PPP2R2B: variants seen among roughly 807,000 people sequenced by gnomAD.
PPP2R2B encodes serine/threonine-protein phosphatase 2A 55 kDa regulatory subunit B beta isoform.
In PPP2R2B, 5 loss-of-function variants were observed where a neutral mutation model predicts 46.0. The ratio of observed to expected loss-of-function variants is 0.11; its 90% CI spans 0.06 to 0.23. PPP2R2B has a LOEUF of 0.23. Among genes scored for constraint, PPP2R2B ranks in the 10% least tolerant of loss-of-function variants. PPP2R2B has a pLI of 1.00. For missense variants in PPP2R2B, 367 were observed against 575.0 expected, an observed-to-expected ratio of 0.64 and a Z score of 3.70; for synonymous variants, 215 against 206.7, an observed-to-expected ratio of 1.04 and a Z score of -0.34.
chr5:146,600,065 T>C (rs550779882), intron 8 of PPP2R2B, among the ~76,000 whole-genome samples: 1 of 152,342 alleles, frequency 6.6e-6, no homozygotes, highest in East Asian at 1.9e-4. Flanking sequence ...ATAGTGTCCA[T>C]TCCACATGAA....
At chr5:146,701,298 G>C (rs1779524095) in intron 2 of PPP2R2B, 156 bp from the exon 3 acceptor site, 1 of 787,142 alleles carries the variant, frequency 1.3e-6, no homozygotes, top group Non-Finnish European at 2.3e-6. Context: ...AATGCCACCA[G>C]AAGTGGCACT....
chr5:146,873,988 A>G (rs139801346), intron 2 of PPP2R2B, among the ~76,000 whole-genome samples: 41 of 152,194 alleles, frequency 2.7e-4, no homozygotes, highest in African/African-American at 9.6e-4. Context: ...TTTTGTACCT[A>G]TTGTCCCTTC....
At chr5:146,952,779 G>A (rs1751679295) in intron 1 of PPP2R2B, among the ~76,000 whole-genome samples, 1 of 152,144 alleles carries the variant, frequency 6.6e-6, no homozygotes, top group Non-Finnish European at 1.5e-5. Context: ...GCTAAGGTCA[G>A]TGGAAAGTGT....
intron 1 of PPP2R2B, among the ~76,000 whole-genome samples, chr5:147,022,208 G>A (rs532959903): frequency 1.3e-5 from 2 of 152,186 alleles, no homozygotes; most frequent in Non-Finnish European, 2.9e-5. Flanking sequence ...TACTGCAATT[G>A]GAGTTCTAGA....
intron 1 of PPP2R2B, chr5:147,040,638 A>G: frequency 2.6e-6 from 1 of 382,842 alleles, no homozygotes; most frequent in South Asian, 1.9e-5. Flanking sequence ...TCAGGGGCTC[A>G]GTGTGAGCAA....
intron 2 of PPP2R2B, among the ~76,000 whole-genome samples, chr5:146,875,018 A>AAATTTT (rs1761818619): frequency 6.6e-6 from 1 of 152,256 alleles, no homozygotes; most frequent in Non-Finnish European, 1.5e-5. Flanking sequence ...GCTGATGGTT[A>AAATTTT]AAGGAAAATG....
intron 2 of PPP2R2B, among the ~76,000 whole-genome samples, chr5:146,803,378 T>G (rs1448253793): frequency 6.6e-6 from 1 of 152,182 alleles, no homozygotes; most frequent in African/African-American, 2.4e-5. Context: ...TTAGTACAAT[T>G]TAGACACTTT....
intron 1 of PPP2R2B, among the ~76,000 whole-genome samples, chr5:146,906,286 C>T (rs1453287837): frequency 6.6e-6 from 1 of 150,938 alleles, no homozygotes; most frequent in African/African-American, 2.4e-5. Flanking sequence ...TTAATTTCAC[C>T]TGCTTCTTGT....
At chr5:146,870,772 T>C (rs1761571417) in intron 2 of PPP2R2B, among the ~76,000 whole-genome samples, 1 of 152,100 alleles carries the variant, frequency 6.6e-6, no homozygotes, top group Admixed American at 6.5e-5. Flanking sequence ...TTTTTCCCCT[T>C]ACACACAGAC....
chr5:147,064,040 A>G (rs1401170608), intron 2 of PPP2R2B, among the ~76,000 whole-genome samples: 1 of 152,208 alleles, frequency 6.6e-6, no homozygotes, highest in Admixed American at 6.5e-5. Context: ...TTGCTCATTC[A>G]GCGAGGACCT....
At chr5:146,756,200 G>A (rs1283306457) in intron 2 of PPP2R2B, among the ~76,000 whole-genome samples, 1 of 152,036 alleles carries the variant, frequency 6.6e-6, no homozygotes, top group African/African-American at 2.4e-5. Context: ...ATAGAGCTTG[G>A]GAATAAGAAT....
At chr5:147,051,137 A>G (rs1010319109) in intron 1 of PPP2R2B, among the ~76,000 whole-genome samples, 1 of 152,178 alleles carries the variant, frequency 6.6e-6, no homozygotes, top group Non-Finnish European at 1.5e-5. Flanking sequence ...AATGTAATCC[A>G]AAGGCTGTTC....
chr5:146,911,629 TTC>T (rs1249543304), intron 1 of PPP2R2B, among the ~76,000 whole-genome samples: 1 of 152,204 alleles, frequency 6.6e-6, no homozygotes, highest in Non-Finnish European at 1.5e-5. Context: ...AGGAAGACAC[TTC>T]TTCACATGGG....
rs1176103375 is a variant in PPP2R2B, at chr5:146,587,601, T to A, written c.*2346A>T. 1.3e-5 allele frequency: 2 copies of A among 152,242 alleles called. No homozygotes were observed. The highest frequency in any genetic ancestry group is 3.8e-4 in the East Asian group (2 of 5,196). 9.4% of individuals were successfully genotyped at this position (152,242 alleles called of 1,614,324 possible). Reference sequence around the variant, plus strand: ...GACTCTAATATGTGAAGAACCACCATCTTTGATGCCCCTAAGGGCATAAAT... The same window carrying A: ...GACTCTAATATGTGAAGAACCACCAACTTTGATGCCCCTAAGGGCATAAAT... On this transcript the variant is annotated 3_prime_UTR_variant, in exon 10 of 10. Coordinates refer to ENST00000394411, the MANE Select transcript of PPP2R2B (RefSeq NM_181675.4).
At chr5:146,936,961 C>T (rs1301169408) in intron 1 of PPP2R2B, among the ~76,000 whole-genome samples, 2 of 150,860 alleles carry the variant, frequency 1.3e-5, no homozygotes. Context: ...ATTCTTCGAA[C>T]TAGACAGTAT....
chr5:146,869,691 G>A (rs1582316288), intron 2 of PPP2R2B, among the ~76,000 whole-genome samples: 1 of 152,274 alleles, frequency 6.6e-6, no homozygotes, highest in East Asian at 1.9e-4. Context: ...GGCATGGGAT[G>A]GAGGGTGATT....
intron 2 of PPP2R2B, among the ~76,000 whole-genome samples, chr5:146,794,436 T>G (rs928058787): frequency 1.3e-5 from 2 of 152,218 alleles, no homozygotes; most frequent in African/African-American, 4.8e-5. Context: ...TAATGATAGT[T>G]GCAATCAAAG....
chr5:146,797,996 C>T (rs1167371099), intron 2 of PPP2R2B, among the ~76,000 whole-genome samples: 2 of 152,242 alleles, frequency 1.3e-5, no homozygotes, highest in African/African-American at 4.8e-5. Flanking sequence ...AACAAACCGT[C>T]AATCTCCTTT....
chr5:146,595,977 T>C (rs1771128971), intron 8 of PPP2R2B, among the ~76,000 whole-genome samples: 1 of 152,212 alleles, frequency 6.6e-6, no homozygotes, highest in African/African-American at 2.4e-5. Flanking sequence ...GAGCCAACTC[T>C]ATTGGTCCGT....
Sources: allele counts gnomAD v4.1 joint callset (sites outside exome capture counted in the v4.1 genomes callset), GRCh38; gene constraint gnomAD v4.1.1; transcripts MANE v1.5; gene names NCBI Gene and HGNC (gene_info 2026-07-23, HGNC 2026-07-21).